The following NLGN4X variants were observed in gnomAD, a reference collection of about 807,000 sequenced individuals.
The protein encoded by NLGN4X is neuroligin-4, X-linked.
A neutral mutation model predicts 40.3 loss-of-function variants in NLGN4X; 3 were observed. That is an observed-to-expected ratio of 0.07 (90% confidence interval 0.03 to 0.19). The LOEUF (loss-of-function observed/expected upper bound fraction) is 0.19. Ranked by LOEUF, NLGN4X falls within the 10% of genes least tolerant of loss-of-function variation. NLGN4X has a pLI of 1.00. For synonymous variants in NLGN4X, 270 were observed against 306.8 expected, an observed-to-expected ratio of 0.88 and a Z score of 1.25; for missense variants, 382 against 708.3, an observed-to-expected ratio of 0.54 and a Z score of 5.23.
At chrX:6,186,697 T>C (rs1922042432) in intron 1 of NLGN4X, 1 of 111,857 alleles carries the variant, frequency 8.9e-6, no homozygotes, top group Admixed American at 9.5e-5. Flanking sequence ...TTAAAAATCA[T>C]GTTAAAAGTC....
intron 2 of NLGN4X, among the ~76,000 whole-genome samples, chrX:6,097,586 G>A (rs1233118803): frequency 1.8e-5 from 2 of 111,641 alleles, no homozygotes; most frequent in Admixed American, 1.9e-4. Context: ...GTAAGATGGA[G>A]AGTAGAGAAA....
chrX:6,161,443 T>A (rs1442895880), intron 1 of NLGN4X, among the ~76,000 whole-genome samples: 1 of 98,588 alleles, frequency 1.0e-5, no homozygotes, highest in Non-Finnish European at 2.0e-5. Context: ...TTATTCTACA[T>A]ATAGAATAAT....
intron 4 of NLGN4X, among the ~76,000 whole-genome samples, chrX:5,905,936 C>A (rs376024494): frequency 8.9e-6 from 1 of 112,269 alleles, no homozygotes; most frequent in Admixed American, 9.4e-5. Flanking sequence ...GGATGATAGA[C>A]AGGCAGGAGC....
At chrX:5,978,278 TTCTTTC>T (rs2035248979) in intron 3 of NLGN4X, among the ~76,000 whole-genome samples, 1 of 2,978 alleles carries the variant, frequency 3.4e-4, no homozygotes, top group African/African-American at 2.1e-3. Context: ...CTTTTTTTCT[TTCTTTC>T]TTTCTTTCTT....
intron 3 of NLGN4X, among the ~76,000 whole-genome samples, chrX:5,914,096 C>T (rs898399574): frequency 9.0e-6 from 1 of 111,716 alleles, no homozygotes; most frequent in Non-Finnish European, 1.9e-5. Flanking sequence ...TGAGAACAGA[C>T]TAGTACATTT....
At chrX:5,947,454 G>C (rs1442136539) in intron 3 of NLGN4X, among the ~76,000 whole-genome samples, 1 of 111,890 alleles carries the variant, frequency 8.9e-6, no homozygotes, top group East Asian at 2.8e-4. Flanking sequence ...AAATTTGGGG[G>C]GAAAGTGGAG....
chrX:6,176,119 G>T (rs2040729539), intron 1 of NLGN4X, among the ~76,000 whole-genome samples: 1 of 111,282 alleles, frequency 9.0e-6, no homozygotes, highest in Non-Finnish European at 1.9e-5. Flanking sequence ...TGGCCAAAGG[G>T]TAAGAATTTC....
intron 3 of NLGN4X, among the ~76,000 whole-genome samples, chrX:6,014,219 G>A (rs1405634947): frequency 9.0e-6 from 1 of 110,855 alleles, no homozygotes; most frequent in Non-Finnish European, 1.9e-5. Flanking sequence ...ATCTTAAGAT[G>A]AGAACTTAAC....
chrX:6,116,350 C>T (rs891793322), intron 2 of NLGN4X, among the ~76,000 whole-genome samples: 2 of 88,825 alleles, frequency 2.3e-5, no homozygotes, highest in African/African-American at 4.2e-5. Flanking sequence ...TGAATTCACA[C>T]GTCCACTTTC....
intron 3 of NLGN4X, among the ~76,000 whole-genome samples, chrX:5,925,251 T>G (rs756129565): frequency 8.9e-6 from 1 of 112,126 alleles, no homozygotes; most frequent in East Asian, 2.8e-4. Context: ...TTGGGGTTAG[T>G]GTATAGGCAC....
chrX:6,103,604 G>A (rs148279589), intron 2 of NLGN4X, among the ~76,000 whole-genome samples: 362 of 111,396 alleles, frequency 3.2e-3, no homozygotes, highest in African/African-American at 0.011. Context: ...ATCTCAAATC[G>A]TACCTGTGCA....
At chrX:5,992,198 T>G (rs1225939692) in intron 3 of NLGN4X, among the ~76,000 whole-genome samples, 2 of 112,300 alleles carry the variant, frequency 1.8e-5, no homozygotes, top group Admixed American at 1.9e-4. Flanking sequence ...AAAGAGAGAT[T>G]ACATAACTTG....
chrX:5,890,881 T>C lies in NLGN4X; in HGVS notation c.*1936A>G. 3 of 323,195 alleles carry C rather than the reference T, an allele frequency of 9.3e-6. No homozygotes were observed. The highest frequency in any genetic ancestry group is 3.2e-5 in the Admixed American group (1 of 30,842). 26.6% of individuals were successfully genotyped at this position (323,195 alleles called of 1,213,427 possible). A position where few individuals can be genotyped will look rare whatever the true frequency, so the allele number is the denominator to read the frequency against. On this transcript the variant is annotated 3_prime_UTR_variant, in exon 6 of 6. Coordinates refer to ENST00000381095, the MANE Select transcript of NLGN4X (RefSeq NM_181332.3). The stretch of plus-strand genomic sequence containing the variant: ...ACTCTCAAACACTGATATATCACTA[T>C]AGTTTGAGTGTAGGGATTCAGTAAT...
intron 2 of NLGN4X, among the ~76,000 whole-genome samples, chrX:6,091,999 TC>T (rs2038652547): frequency 9.3e-6 from 1 of 107,518 alleles, no homozygotes; most frequent in Non-Finnish European, 1.9e-5. Context: ...CTTTCTTTCT[TC>T]CCCCCTTCCT....
At chrX:5,980,948 T>C (rs1349425628) in intron 3 of NLGN4X, among the ~76,000 whole-genome samples, 1 of 111,863 alleles carries the variant, frequency 8.9e-6, no homozygotes, top group Non-Finnish European at 1.9e-5. Context: ...AAGTCTACTG[T>C]TATTTTATTT....
At chrX:6,119,346 G>GCA (rs1271588678) in intron 2 of NLGN4X, among the ~76,000 whole-genome samples, 1 of 112,098 alleles carries the variant, frequency 8.9e-6, no homozygotes, top group East Asian at 2.8e-4. Context: ...GTTGATAACA[G>GCA]CAACAGAAAT....
At chrX:6,067,567 G>A (rs1392770201) in intron 2 of NLGN4X, among the ~76,000 whole-genome samples, 1 of 111,542 alleles carries the variant, frequency 9.0e-6, no homozygotes, top group African/African-American at 3.3e-5. Flanking sequence ...CTGCACCTAT[G>A]CAATCCAGTA....
Position 5,892,533 on chromosome X carries a change from C to T in NLGN4X, c.*284G>A, listed in dbSNP as rs3810686. The T allele has an allele frequency of 0.38, 126,148 of 331,094 alleles. 18,698 individuals carry two copies. Among genetic ancestry groups the T allele is most frequent in the East Asian group, 0.62 (10,446 of 16,949 alleles). 27.3% of individuals were successfully genotyped at this position (331,094 alleles called of 1,213,427 possible). On this transcript the variant is annotated 3_prime_UTR_variant, in exon 6 of 6. Coordinates refer to ENST00000381095, the MANE Select transcript of NLGN4X (RefSeq NM_181332.3). Reference sequence around the variant, plus strand: ...GGTGATGTCCTATCACACTAAACATCGATTGGAGTGGTAGAGATCTTAAAG... The same window carrying T: ...GGTGATGTCCTATCACACTAAACATTGATTGGAGTGGTAGAGATCTTAAAG...
chrX:6,106,071 G>A (rs1193951375), intron 2 of NLGN4X, among the ~76,000 whole-genome samples: 1 of 111,395 alleles, frequency 9.0e-6, no homozygotes, highest in Non-Finnish European at 1.9e-5. Context: ...ACCCTCAGAG[G>A]AATATGGAAC....
Sources: gnomAD v4.1 joint callset for allele counts (sites outside exome capture counted in the v4.1 genomes callset) on GRCh38, gnomAD v4.1.1 for gene constraint, MANE v1.5 for transcripts, NCBI Gene and HGNC (gene_info 2026-07-23, HGNC 2026-07-21) for gene names.